UCHL5: variants seen among roughly 807,000 people sequenced by gnomAD.
The protein encoded by UCHL5 is ubiquitin carboxyl-terminal hydrolase isozyme L5.
A neutral mutation model predicts 53.8 loss-of-function variants in UCHL5; 34 were observed. The ratio of observed to expected loss-of-function variants is 0.63; its 90% CI spans 0.48 to 0.84. The LOEUF (loss-of-function observed/expected upper bound fraction) is 0.84. Ranked by LOEUF, UCHL5 falls within the 40% of genes least tolerant of loss-of-function variation. The probability of loss-of-function intolerance (pLI) is 0.00; values close to 1 mark genes in which losing one functional copy is unlikely to be tolerated. For synonymous variants in UCHL5, 111 were observed against 126.3 expected (o/e 0.88, Z 0.81); for missense variants, 290 against 385.6 (o/e 0.75, Z 2.08).
At chr1:193,059,580 G>C, upstream of UCHL5, 1 of 1,481,070 alleles carries the variant, frequency 6.8e-7, no homozygotes, top group Non-Finnish European at 9.1e-7. The surrounding 1 kb of genome is among the most constrained non-coding windows in gnomAD (Gnocchi z 4.9). Flanking sequence ...CGCCCCTCTG[G>C]GGCGGAGGCG....
intron 5 of UCHL5, 29 bp from the exon 6 acceptor site, chr1:193,029,338 CAAAG>C (rs1558049053): frequency 6.2e-7 from 1 of 1,612,742 alleles, no homozygotes; most frequent in Non-Finnish European, 8.5e-7. Context: ...TAGTGAAACT[CAAAG>C]AAGCAAAGAA....
chr1:193,030,594 C>T (rs1487654272), intron 3 of UCHL5, among the ~76,000 whole-genome samples: 1 of 152,170 alleles, frequency 6.6e-6, no homozygotes, highest in Non-Finnish European at 1.5e-5. Context: ...GTGTGAACAC[C>T]AGCAAGGTTA....
chr1:193,028,233 T>A, intron 6 of UCHL5, 85 bp from the exon 7 acceptor site: 1 of 1,183,878 alleles, frequency 8.4e-7, no homozygotes, highest in Non-Finnish European at 1.2e-6. Context: ...CAAAATATTT[T>A]TTTACAAATA....
In UCHL5 at chr1:193,049,829, G is replaced by T. The variant is rs1193339729; in HGVS notation, c.163C>A (p.Leu55Ile). ...KLKPVHGLIFLFKWQPGEEPA... is the reference protein window; with the variant it reads ...KLKPVHGLIFIFKWQPGEEPA... Reference sequence around the variant, plus strand: ...TCTTCTCCTGGCTGCCACTTGAAAAGAAAAATTAACCCATGAACTGGCCTA... The same window carrying T: ...TCTTCTCCTGGCTGCCACTTGAAAATAAAAATTAACCCATGAACTGGCCTA... The change falls in exon 3 of 11, where the codon CTT becomes ATT. Residue 55 changes from leucine (L) to isoleucine (I), a missense_variant. Physicochemically the swap from Leu to Ile is conservative, Grantham distance 5. Coordinates refer to ENST00000367454, the MANE Select transcript of UCHL5 (RefSeq NM_001199261.3). The T allele has an allele frequency of 1.9e-6, 3 of 1,610,890 alleles. No individual in the cohort carries two copies. The highest frequency in any genetic ancestry group is 2.5e-6 in the Non-Finnish European group (3 of 1,178,092).
chr1:193,034,312 TTAA>T (rs149378260), intron 3 of UCHL5, among the ~76,000 whole-genome samples: 3,281 of 151,842 alleles, frequency 0.022, 113 homozygotes, highest in African/African-American at 0.075. Context: ...TAAAAGAATA[TTAA>T]TAACAACCGT....
At chr1:193,045,545 C>T (rs1268115024) in intron 3 of UCHL5, among the ~76,000 whole-genome samples, 1 of 152,212 alleles carries the variant, frequency 6.6e-6, no homozygotes, top group Admixed American at 6.5e-5. Context: ...TGAGTAAAAG[C>T]TTCCTGAGGC....
chr1:193,051,219 C>T (rs1668931800), intron 2 of UCHL5, among the ~76,000 whole-genome samples: 1 of 151,940 alleles, frequency 6.6e-6, no homozygotes. Context: ...GCATGGTAGT[C>T]AGGGGTAAGG....
intron 3 of UCHL5, among the ~76,000 whole-genome samples, chr1:193,048,798 T>C (rs780587239): frequency 6.6e-6 from 1 of 151,618 alleles, no homozygotes; most frequent in African/African-American, 2.4e-5. Flanking sequence ...AGCTAATTTT[T>C]TGGTAACTAT....
chr1:193,033,382 T>G (rs1384901360), intron 3 of UCHL5, among the ~76,000 whole-genome samples: 4 of 149,216 alleles, frequency 2.7e-5, no homozygotes, highest in Non-Finnish European at 4.5e-5. Flanking sequence ...TGTCGGGGGG[T>G]TGCGGGCAAG....
upstream of UCHL5, chr1:193,059,926 C>G (rs753190346): frequency 7.3e-7 from 1 of 1,366,276 alleles, no homozygotes; most frequent in Non-Finnish European, 9.8e-7. This position sits in a 1 kb window ranked among gnomAD's most constrained non-coding sequence, Gnocchi z 4.9. Flanking sequence ...CGTCCCGCTT[C>G]CGCGCCTGTC....
intron 3 of UCHL5, among the ~76,000 whole-genome samples, chr1:193,047,631 C>G (rs1191454192): frequency 6.6e-6 from 1 of 152,144 alleles, no homozygotes; most frequent in Non-Finnish European, 1.5e-5. Context: ...CTATTCTAAG[C>G]AAGTTTTTGG....
At position 193,051,788 on chromosome 1, in the gene UCHL5, A is replaced by G. The variant is rs773036600; in HGVS notation, c.106T>C (p.Trp36Arg). The G allele has an allele frequency of 2.9e-5, 47 of 1,601,504 alleles. No homozygotes were observed. Among genetic ancestry groups the G allele is most frequent in the Non-Finnish European group, 4.0e-5 (47 of 1,173,912 alleles). Residue 36 changes from tryptophan (W) to arginine (R), a missense_variant, in exon 2 of 11, where the codon TGG becomes CGG. Trp to Arg is a moderately radical substitution (Grantham distance 101, BLOSUM62 -3). Transcript: ENST00000367454. ...TCAAAATTCTCAGGCTCTAAACTCC[A>G]TATTTCTTCTACTTGGGCTCCTCGG... ...GCRGAQVEEI[W>R]SLEPENFEKL...
intron 10 of UCHL5, among the ~76,000 whole-genome samples, 188 bp downstream of exon 10, chr1:193,020,905 ATTCT>A (rs68090216): frequency 0.17 from 25,949 of 151,860 alleles, 2,603 homozygotes; most frequent in Middle Eastern, 0.25. Flanking sequence ...CAGTGGGGTA[ATTCT>A]TTATTTTTGT....
intron 1 of UCHL5, among the ~76,000 whole-genome samples, chr1:193,058,931 G>A (rs150763730): frequency 0.012 from 1,779 of 152,358 alleles, 18 homozygotes; most frequent in South Asian, 0.034. Flanking sequence ...TTGGGTGCCA[G>A]GTCCTGAGGA....
chr1:193,021,055 G>C (rs1157786726), intron 10 of UCHL5, 42 bp downstream of exon 10: 3 of 1,383,952 alleles, frequency 2.2e-6, no homozygotes, highest in Non-Finnish European at 3.0e-6. Context: ...TGTTTTTGGA[G>C]ACTCTAAACT....
chr1:193,016,096 C>T lies in UCHL5; in HGVS notation c.*255G>A, dbSNP rs1346508457. On this transcript the variant is annotated 3_prime_UTR_variant, in exon 11 of 11. Transcript: ENST00000367454. ...GGTAGTTAGACAACCAGAAAACTAA[C>T]AGTTGTCAGACTCAATGTCAAATAA... is the stretch of plus-strand genomic sequence containing the variant. 7.4e-6 allele frequency: 3 copies of T among 403,042 alleles called. No homozygotes were observed. The highest frequency in any genetic ancestry group is 1.3e-5 in the Non-Finnish European group (3 of 226,046). The allele number at this position is 403,042 out of a possible 1,614,324, so 25.0% of individuals were successfully genotyped here. A position where few individuals can be genotyped will look rare whatever the true frequency, so the allele number is the denominator to read the frequency against.
intron 10 of UCHL5, 38 bp from the exon 11 acceptor site, chr1:193,016,433 G>A (rs1185966469): frequency 1.3e-6 from 2 of 1,578,660 alleles, no homozygotes; most frequent in East Asian, 2.3e-5. Flanking sequence ...AATTTTAAAA[G>A]TCAGTTTTAG....
At position 193,058,441 on chromosome 1, in the gene UCHL5, G is replaced by A. The variant is rs1671504656; in HGVS notation, c.76+744C>T. 3.3e-5 allele frequency among the ~76,000 whole-genome samples: 5 copies of A among 152,186 alleles called. No individual in the cohort carries two copies. The South Asian group carries it at 1.0e-3, about 32-fold the overall frequency. On this transcript the variant is annotated intron_variant, in intron 1 of 10. Coordinates refer to ENST00000367454, the MANE Select transcript of UCHL5 (RefSeq NM_001199261.3). The stretch of plus-strand genomic sequence containing the variant: ...ATAAAAACGTACTGTCCAAAGAAGA[G>A]ACTAAGAACAAGATAAATAGGGAAG...
intron 10 of UCHL5, among the ~76,000 whole-genome samples, chr1:193,017,652 A>T (rs1442254533): frequency 6.6e-6 from 1 of 151,682 alleles, no homozygotes; most frequent in Non-Finnish European, 1.5e-5. Context: ...AATATTGAGA[A>T]GGATTAACAA....
Sources: gnomAD v4.1 joint callset for allele counts (sites outside exome capture counted in the v4.1 genomes callset) on GRCh38, gnomAD v4.1.1 for gene constraint, Gnocchi (gnomAD v3.1) non-coding constraint, MANE v1.5 for transcripts, NCBI Gene and HGNC (gene_info 2026-07-23, HGNC 2026-07-21) for gene names.